PTCSC3: variants seen among roughly 807,000 people sequenced by gnomAD.
PTCSC3 encodes the protein papillary thyroid carcinoma susceptibility candidate 3 (non-protein coding).
intron 2 of PTCSC3, among the ~76,000 whole-genome samples, chr14:36,161,270 G>A (rs1422251854): frequency 6.6e-6 from 1 of 152,124 alleles, no homozygotes; most frequent in Non-Finnish European, 1.5e-5. Flanking sequence ...TTGCTGGCGA[G>A]GAGTTGTGAT....
At chr14:36,144,424 G>T (rs1181052690) in intron 3 of PTCSC3, among the ~76,000 whole-genome samples, 5 of 131,552 alleles carry the variant, frequency 3.8e-5, no homozygotes, top group East Asian at 4.4e-4. Flanking sequence ...TGAAGCAATT[G>T]TGAATGGGAG....
At chr14:36,143,578 G>A (rs1178345791) in intron 3 of PTCSC3, among the ~76,000 whole-genome samples, 2 of 148,670 alleles carry the variant, frequency 1.3e-5, no homozygotes, top group South Asian at 2.2e-4. Flanking sequence ...AGATGAGTAG[G>A]TTGCGAAAAT....
At chr14:36,152,280 C>A (rs961388367) in intron 3 of PTCSC3, among the ~76,000 whole-genome samples, 1 of 151,548 alleles carries the variant, frequency 6.6e-6, no homozygotes. Flanking sequence ...AAAAAAAAAA[C>A]TTTTTTTCAT....
chr14:36,175,465 G>A (rs564367802), intron 1 of PTCSC3, among the ~76,000 whole-genome samples: 11 of 152,226 alleles, frequency 7.2e-5, no homozygotes, highest in Non-Finnish European at 8.8e-5. Context: ...ACATTTCCAC[G>A]TTGGGAAGAA....
intron 3 of PTCSC3, among the ~76,000 whole-genome samples, chr14:36,143,078 T>G (rs1406631144): frequency 6.6e-6 from 1 of 151,712 alleles, no homozygotes; most frequent in East Asian, 1.9e-4. Flanking sequence ...TTGGGTTAGT[T>G]CCAAGTCTTT....
chr14:36,140,624 A>ATATC (rs1881397277), intron 3 of PTCSC3, among the ~76,000 whole-genome samples: 1 of 152,146 alleles, frequency 6.6e-6, no homozygotes, highest in African/African-American at 2.4e-5. Flanking sequence ...TGCCACATGT[A>ATATC]TATCTTCTTT....
intron 2 of PTCSC3, among the ~76,000 whole-genome samples, chr14:36,160,322 C>T (rs949968630): frequency 5.9e-5 from 9 of 152,038 alleles, no homozygotes; most frequent in East Asian, 1.9e-4. Flanking sequence ...TTCATAGTGT[C>T]GATGGTCTTT....
intron 3 of PTCSC3, among the ~76,000 whole-genome samples, chr14:36,150,057 G>A (rs145069687): frequency 2.2e-4 from 33 of 152,198 alleles, no homozygotes; most frequent in Non-Finnish European, 3.7e-4. Context: ...TTCAAATTAG[G>A]GATGCTCAAC....
intron 2 of PTCSC3, among the ~76,000 whole-genome samples, chr14:36,161,897 A>T (rs1279836782): frequency 6.6e-6 from 1 of 152,138 alleles, no homozygotes; most frequent in Non-Finnish European, 1.5e-5. Context: ...TCTTTCAGAG[A>T]TGCCCTGCCC....
chr14:36,175,599 G>A lies in PTCSC3; in HGVS notation n.171+699C>T, dbSNP rs74421205. On this transcript the variant is annotated intron_variant and non_coding_transcript_variant, in intron 1 of 3. Transcript: ENST00000556013. Reference sequence around the variant, plus strand: ...GCCTAGCAAAATGCCCGATATGCCCGACAGAAGCATGTAGTTTTATAAATT... The same window carrying A: ...GCCTAGCAAAATGCCCGATATGCCCAACAGAAGCATGTAGTTTTATAAATT... Among the ~76,000 whole-genome samples the A allele has an allele frequency of 6.8e-3, 1,034 of 152,234 alleles. 11 individuals carry two copies. The highest frequency in any genetic ancestry group is 0.02 in the African/African-American group (849 of 41,528).
At position 36,175,617 on chromosome 14, in the gene PTCSC3, T is replaced by G. The variant is rs183035267; in HGVS notation, n.171+681A>C. ...TATGCCCGACAGAAGCATGTAGTTT[T>G]ATAAATTATTAAGTCATTTGCTGGA... On this transcript the variant is annotated intron_variant and non_coding_transcript_variant, in intron 1 of 3. Transcript: ENST00000556013. 6.0e-4 allele frequency among the ~76,000 whole-genome samples: 92 copies of G among 152,294 alleles called. 1 individual carries two copies. The highest frequency in any genetic ancestry group is 3.4e-3 in the Middle Eastern group (1 of 294).
chr14:36,135,941 A>T (rs1450776231), downstream of PTCSC3, among the ~76,000 whole-genome samples: 1 of 151,022 alleles, frequency 6.6e-6, no homozygotes, highest in Admixed American at 6.6e-5. Context: ...ATATATATAT[A>T]TTTATGTATT....
intron 3 of PTCSC3, among the ~76,000 whole-genome samples, chr14:36,151,043 CA>C (rs1409653095): frequency 2.6e-5 from 4 of 152,152 alleles, no homozygotes; most frequent in African/African-American, 9.7e-5. Flanking sequence ...GAAATTTTCA[CA>C]TTTCTTGCAA....
At chr14:36,158,763 C>G (rs1267045729) in intron 2 of PTCSC3, among the ~76,000 whole-genome samples, 1 of 152,136 alleles carries the variant, frequency 6.6e-6, no homozygotes, top group African/African-American at 2.4e-5. Context: ...TGATGCTGGC[C>G]TCATAAAATG....
intron 3 of PTCSC3, among the ~76,000 whole-genome samples, chr14:36,139,138 AAAG>A (rs1410736389): frequency 7.0e-6 from 1 of 142,070 alleles, no homozygotes; most frequent in Non-Finnish European, 1.6e-5. Context: ...AAAAAAAAAA[AAAG>A]AAATGCATAT....
intron 3 of PTCSC3, among the ~76,000 whole-genome samples, chr14:36,148,052 A>G (rs1881628014): frequency 1.3e-5 from 2 of 152,138 alleles, no homozygotes; most frequent in South Asian, 4.1e-4. Flanking sequence ...TGGGAGAACC[A>G]CTGCTCTCTT....
At chr14:36,134,918 A>G (rs1881251670), downstream of PTCSC3, among the ~76,000 whole-genome samples, 2 of 152,272 alleles carry the variant, frequency 1.3e-5, no homozygotes, top group African/African-American at 4.8e-5. Flanking sequence ...TTTATTGAAC[A>G]TAAGTGCCAT....
chr14:36,171,584 GGATGGTAGC>G (rs1882193858), intron 1 of PTCSC3, among the ~76,000 whole-genome samples: 1 of 152,092 alleles, frequency 6.6e-6, no homozygotes, highest in Non-Finnish European at 1.5e-5. Context: ...AAATACCTAT[GGATGGTAGC>G]TTCTATAATC....
At chr14:36,159,435 T>C (rs1594453026) in intron 2 of PTCSC3, among the ~76,000 whole-genome samples, 1 of 152,364 alleles carries the variant, frequency 6.6e-6, no homozygotes, top group East Asian at 1.9e-4. Flanking sequence ...CCAGAGATTC[T>C]GGTACATTGT....
Sources: allele counts gnomAD v4.1 joint callset (sites outside exome capture counted in the v4.1 genomes callset), GRCh38; gene constraint gnomAD v4.1.1; transcripts MANE v1.5; gene names NCBI Gene and HGNC (gene_info 2026-07-23, HGNC 2026-07-21).